Variants in KCTD3 observed in about 807,000 individuals in gnomAD.
KCTD3 encodes BTB/POZ domain-containing protein KCTD3.
A neutral mutation model predicts 85.8 loss-of-function variants in KCTD3; 41 were observed. The ratio of observed to expected loss-of-function variants is 0.48; its 90% CI spans 0.37 to 0.62. The LOEUF is 0.62. KCTD3 is among the 20% of genes least tolerant of loss of function. The probability of loss-of-function intolerance (pLI) is 0.00; values close to 1 mark genes in which losing one functional copy is unlikely to be tolerated. For missense variants in KCTD3, 724 were observed against 989.9 expected, an observed-to-expected ratio of 0.73 and a Z score of 3.60; for synonymous variants, 338 against 345.4, an observed-to-expected ratio of 0.98 and a Z score of 0.24.
chr1:215,581,954 A>G (rs533708735), intron 8 of KCTD3, among the ~76,000 whole-genome samples: 1 of 152,342 alleles, frequency 6.6e-6, no homozygotes, highest in East Asian at 1.9e-4. Context: ...GACCTGTATG[A>G]TGTTCTCCTA....
intron 10 of KCTD3, among the ~76,000 whole-genome samples, chr1:215,599,620 A>G (rs1256955132): frequency 6.6e-6 from 1 of 152,182 alleles, no homozygotes; most frequent in African/African-American, 2.4e-5. Context: ...GTTAGGACGA[A>G]GAAGAGGAGG....
rs988463015 is a variant in KCTD3, at chr1:215,586,753, A to G, written c.817+68A>G. On this transcript the variant is annotated intron_variant, in intron 9 of 17. Transcript: ENST00000259154. ...ATTTTGAAGTTTATAAAAGAGATTGACACTGAATATGAAAATTAACCTGGA... is the reference window on the plus strand; with the variant it reads ...ATTTTGAAGTTTATAAAAGAGATTGGCACTGAATATGAAAATTAACCTGGA... 7 of 1,291,436 alleles carry G rather than the reference A, an allele frequency of 5.4e-6. No individual in the cohort carries two copies. The African/African-American group carries it at 1.0e-4, about 19-fold the overall frequency. The allele number at this position is 1,291,436 out of a possible 1,614,324, so 80.0% of individuals were successfully genotyped here.
At chr1:215,586,065 G>C (rs1364058630) in intron 8 of KCTD3, among the ~76,000 whole-genome samples, 1 of 152,150 alleles carries the variant, frequency 6.6e-6, no homozygotes, top group African/African-American at 2.4e-5. Context: ...TAACTGAAAG[G>C]AATAATAATT....
intron 9 of KCTD3, among the ~76,000 whole-genome samples, chr1:215,588,090 C>A (rs879346699): frequency 6.6e-6 from 1 of 152,112 alleles, no homozygotes. Flanking sequence ...CAAATAACAT[C>A]AGTGGTTTTC....
At position 215,620,186 on chromosome 1, in the gene KCTD3, G is replaced by T. The variant is rs1336304939; in HGVS notation, c.2016G>T (p.Gln672His). 6.2e-7 allele frequency: 1 copy of T among 1,613,862 alleles called. No individual in the cohort carries two copies. Among genetic ancestry groups the T allele is most frequent in the African/African-American group, 1.3e-5 (1 of 75,020 alleles). ...GCTTTCACAGTTATAGGGACTTCCAGACTATTAATTTGAACAGAAATGTAG... is the reference window on the plus strand; with the variant it reads ...GCTTTCACAGTTATAGGGACTTCCATACTATTAATTTGAACAGAAATGTAG... Reference protein sequence around the residue: ...TESFHSYRDFQTINLNRNVER... With the variant: ...TESFHSYRDFHTINLNRNVER... The change falls in exon 18 of 18, where the codon CAG becomes CAT. Residue 672 changes from glutamine to histidine, a missense_variant. Around this residue, in one of 6 missense-constraint regions of KCTD3, gnomAD observed 222 missense variants for 217.7 expected, o/e 1.02. Transcript: ENST00000259154.
intron 13 of KCTD3, 104 bp downstream of exon 13, chr1:215,604,406 G>T: frequency 2.3e-6 from 2 of 867,338 alleles, no homozygotes; most frequent in Non-Finnish European, 1.8e-6. Context: ...ACTAAAAGAA[G>T]TACTAGAAAA....
chr1:215,579,127 T>C lies in KCTD3; in HGVS notation c.525T>C (p.Thr175=). ...QPVLSGTGEE[T]VRLGFPVDPR... is the part of the protein sequence containing the mutation. ...TTCTCTCTGGAACGGGAGAAGAAACTGTTAGGCTAGGTAAGCAAAGATTAC... is the reference window on the plus strand; with the variant it reads ...TTCTCTCTGGAACGGGAGAAGAAACCGTTAGGCTAGGTAAGCAAAGATTAC... Residue 175 remains threonine (T), a synonymous_variant, in exon 7 of 18, where the codon ACT becomes ACC. Transcript: ENST00000259154. 6.2e-7 allele frequency: 1 copy of C among 1,610,676 alleles called. No individual in the cohort carries two copies. Among genetic ancestry groups the C allele is most frequent in the Non-Finnish European group, 8.5e-7 (1 of 1,178,518 alleles).
At chr1:215,596,138 T>C (rs1369523654) in intron 10 of KCTD3, among the ~76,000 whole-genome samples, 5 of 152,126 alleles carry the variant, frequency 3.3e-5, no homozygotes. Flanking sequence ...TGCTGTCTGA[T>C]TGATGTGAGA....
intron 17 of KCTD3, 41 bp from the exon 18 acceptor site, chr1:215,620,016 G>A (rs1467375706): frequency 2.1e-6 from 3 of 1,433,654 alleles, no homozygotes; most frequent in Non-Finnish European, 2.8e-6. Flanking sequence ...AGAAATCACA[G>A]AGTGAAATCT....
intron 14 of KCTD3, among the ~76,000 whole-genome samples, chr1:215,611,415 T>C (rs1354479130): frequency 6.6e-6 from 1 of 152,006 alleles, no homozygotes; most frequent in African/African-American, 2.4e-5. Flanking sequence ...TTTTAAGATT[T>C]TGTGTGTTGT....
chr1:215,594,600 A>G (rs1188242809), intron 9 of KCTD3, among the ~76,000 whole-genome samples: 1 of 152,166 alleles, frequency 6.6e-6, no homozygotes, highest in East Asian at 1.9e-4. Flanking sequence ...CATAGATACT[A>G]TTATACCCTG....
chr1:215,618,141 A>C (rs1282891439), intron 15 of KCTD3: 1 of 467,750 alleles, frequency 2.1e-6, no homozygotes, highest in Admixed American at 2.4e-5. Flanking sequence ...ACATAACTAA[A>C]AGGGCATTTG....
At chr1:215,610,066 C>G (rs1655169387) in intron 14 of KCTD3, among the ~76,000 whole-genome samples, 1 of 151,826 alleles carries the variant, frequency 6.6e-6, no homozygotes, top group Non-Finnish European at 1.5e-5. Flanking sequence ...GACAGGGAGG[C>G]TTTTCATTCC....
At chr1:215,610,098 T>A (rs1655170373) in intron 14 of KCTD3, among the ~76,000 whole-genome samples, 2 of 151,950 alleles carry the variant, frequency 1.3e-5, no homozygotes, top group South Asian at 2.1e-4. Context: ...GTATTTAAAA[T>A]ATATATATCT....
rs111281684 is a variant in KCTD3, at chr1:215,577,628, G to A, written c.258-42G>A. 535 of 1,279,710 alleles carry A rather than the reference G, an allele frequency of 4.2e-4. 4 individuals are homozygous for A. In the African/African-American group the frequency reaches 6.5e-3, roughly 15 times the overall value. The allele number at this position is 1,279,710 out of a possible 1,614,324, so 79.3% of individuals were successfully genotyped here. On this transcript the variant is annotated intron_variant, in intron 4 of 17. Transcript: ENST00000259154. ...CCTTTCATGTCAGATGATAATACAG[G>A]TTTCCAGTGTTAGAGAATTTACATC...
rs1655652233 is a variant in KCTD3 at position 215,620,719 on chromosome 1, A to G, written c.*101A>G. 2 of 754,332 alleles carry G rather than the reference A, an allele frequency of 2.7e-6. No homozygotes were observed. The highest frequency in any genetic ancestry group is 4.2e-6 in the Non-Finnish European group (2 of 477,508). 46.7% of individuals were successfully genotyped at this position (754,332 alleles called of 1,614,324 possible). On this transcript the variant is annotated 3_prime_UTR_variant, in exon 18 of 18. Transcript: ENST00000259154. ...TTTTACACTAAAACTTTACAAGATA[A>G]AATTGGACTTCATTTAGTATCTTTT...
chr1:215,581,027 C>T (rs780845957), intron 8 of KCTD3: 4 of 443,638 alleles, frequency 9.0e-6, no homozygotes, highest in African/African-American at 4.1e-5. Context: ...TTTGGGAGGC[C>T]GAGATGGGTG....
At chr1:215,618,581 G>A (rs554639030) in intron 15 of KCTD3, 71 of 230,822 alleles carry the variant, frequency 3.1e-4, no homozygotes, top group African/African-American at 1.3e-3. Flanking sequence ...CCGTCAATGT[G>A]GATAAAAATT....
At chr1:215,583,511 T>G (rs75735880) in intron 8 of KCTD3, among the ~76,000 whole-genome samples, 1 of 152,202 alleles carries the variant, frequency 6.6e-6, no homozygotes, top group Non-Finnish European at 1.5e-5. Context: ...CGTCCTGTTT[T>G]GTCAGCGGGA....
Sources: allele counts gnomAD v4.1 joint callset (sites outside exome capture counted in the v4.1 genomes callset), GRCh38; gene constraint gnomAD v4.1.1; regional missense constraint gnomAD v4.1.1; transcripts MANE v1.5; gene names NCBI Gene and HGNC (gene_info 2026-07-23, HGNC 2026-07-21).